Variants in HIBCH observed in about 807,000 individuals in gnomAD.
The protein encoded by HIBCH is 3-hydroxyisobutyryl-CoA hydrolase.
A neutral mutation model predicts 58.2 loss-of-function variants in HIBCH; 50 were observed. That is an observed-to-expected ratio of 0.86 (90% CI 0.68 to 1.09). HIBCH has a LOEUF of 1.09. Among genes scored for constraint, HIBCH ranks in the 50% least tolerant of loss-of-function variants. The pLI, the probability that HIBCH is intolerant of heterozygous loss-of-function variation, is 0.00. For synonymous variants in HIBCH, 151 were observed against 146.9 expected (o/e 1.03, Z -0.20); for missense variants, 450 against 449.7 (o/e 1.00, Z -0.01).
At chr2:190,301,079 T>C (rs570553621) in intron 2 of HIBCH, among the ~76,000 whole-genome samples, 83 of 152,370 alleles carry the variant, frequency 5.4e-4, no homozygotes, top group African/African-American at 2.0e-3. Flanking sequence ...TAACTTAAAA[T>C]GTTAATCTTA....
rs145728444 is a variant in HIBCH at position 190,281,948 on chromosome 2, C to T, written c.438+5638G>A. ...CAATATCTTGTTCCTCATTTTCATC[C>T]GGGTCCTCATCAAAATGGCCATTAC... is the stretch of plus-strand genomic sequence containing the variant. On this transcript the variant is annotated intron_variant, in intron 6 of 13. Transcript: ENST00000359678. The surrounding 1 kb of genome is among the most constrained non-coding windows in gnomAD (Gnocchi z 5.4). Among the ~76,000 whole-genome samples the T allele has an allele frequency of 6.3e-3, 959 of 152,244 alleles. 9 individuals carry two copies. Among genetic ancestry groups the T allele is most frequent in the African/African-American group, 0.022 (903 of 41,542 alleles).
chr2:190,254,710 C>T lies in HIBCH; in HGVS notation c.518-2403G>A, dbSNP rs1281823419. 6.6e-6 allele frequency among the ~76,000 whole-genome samples: 1 copy of T among 152,216 alleles called. No homozygotes were observed. Among genetic ancestry groups the T allele is most frequent in the Non-Finnish European group, 1.5e-5 (1 of 68,048 alleles). The stretch of plus-strand genomic sequence containing the variant: ...AAATACCTTGGAGTTATTCCTGATT[C>T]ATCATACCAGCAAGTCAGTTAAGCC... On this transcript the variant is annotated intron_variant, in intron 7 of 13. Coordinates refer to ENST00000359678, the MANE Select transcript of HIBCH (RefSeq NM_014362.4). The surrounding 1 kb of genome is among the most constrained non-coding windows in gnomAD (Gnocchi z 5.0).
At chr2:190,289,795 T>C (rs1434624970) in intron 5 of HIBCH, among the ~76,000 whole-genome samples, 1 of 152,150 alleles carries the variant, frequency 6.6e-6, no homozygotes, top group African/African-American at 2.4e-5. Flanking sequence ...TAGGAAATGA[T>C]ACTATACTTC....
rs1559042131 is a variant in HIBCH, at chr2:190,265,121, T to TGAAAAAAAA, written c.439-3888_439-3887insTTTTTTTTC. Among the ~76,000 whole-genome samples, 17 of 43,716 alleles carry TGAAAAAAAA rather than the reference T, an allele frequency of 3.9e-4. 1 individual carries two copies. Among genetic ancestry groups the TGAAAAAAAA allele is most frequent in the African/African-American group, 2.6e-3 (17 of 6,586 alleles). 28.7% of individuals were successfully genotyped at this position (43,716 alleles called of 152,430 possible). A position where few individuals can be genotyped will look rare whatever the true frequency, so the allele number is the denominator to read the frequency against. On this transcript the variant is annotated intron_variant, in intron 6 of 13. Coordinates refer to ENST00000359678, the MANE Select transcript of HIBCH (RefSeq NM_014362.4). Reference sequence around the variant, plus strand: ...CTGGAGGACAGAGCAAGACTCCGTCTCAAAAAAAAAAAAAAAAAAAAAAAA... The same window carrying TGAAAAAAAA: ...CTGGAGGACAGAGCAAGACTCCGTCTGAAAAAAAACAAAAAAAAAAAAAAAAAAAAAAAA...
downstream of HIBCH, chr2:190,200,393 T>TA (rs1690194553): frequency 2.6e-5 from 11 of 425,260 alleles, no homozygotes; most frequent in South Asian, 3.1e-4. Flanking sequence ...TGACACCCAA[T>TA]AATCAGCTGA....
rs1195662323 is a variant in HIBCH at position 190,254,366 on chromosome 2, G to C, written c.518-2059C>G. Among the ~76,000 whole-genome samples the C allele has an allele frequency of 1.3e-5, 2 of 152,122 alleles. No individual in the cohort carries two copies. The highest frequency in any genetic ancestry group is 2.9e-5 in the Non-Finnish European group (2 of 68,016). On this transcript the variant is annotated intron_variant, in intron 7 of 13. Transcript: ENST00000359678. The surrounding 1 kb of genome is among the most constrained non-coding windows in gnomAD (Gnocchi z 5.0). ...AAGGCAGCAGTCTATTAGCCACAGAGAGAGGGCTCAAGAGAACCATCTGCT... is the reference window on the plus strand; with the variant it reads ...AAGGCAGCAGTCTATTAGCCACAGACAGAGGGCTCAAGAGAACCATCTGCT...
At position 190,204,040 on chromosome 2, in the gene HIBCH, A is replaced by C. The variant is rs775472235; in HGVS notation, c.*1077T>G. The C allele has an allele frequency of 6.6e-6, 1 of 152,100 alleles. No homozygotes were observed. Among genetic ancestry groups the C allele is most frequent in the Non-Finnish European group, 1.5e-5 (1 of 67,940 alleles). The allele number at this position is 152,100 out of a possible 1,614,324, so 9.4% of individuals were successfully genotyped here. ...AAACAAAAATTACAAACAAAAAACA[A>C]AATCATAAATTTTGTTTACTTTGTT... is the stretch of plus-strand genomic sequence containing the variant. On this transcript the variant is annotated 3_prime_UTR_variant, in exon 14 of 14. Transcript: ENST00000359678.
At position 190,210,660 on chromosome 2, in the gene HIBCH, C is replaced by A. The variant is rs1339190946; in HGVS notation, c.1012-1747G>T. On this transcript the variant is annotated intron_variant, in intron 12 of 13. Coordinates refer to ENST00000359678, the MANE Select transcript of HIBCH (RefSeq NM_014362.4). The surrounding 1 kb of genome is among the most constrained non-coding windows in gnomAD (Gnocchi z 5.5). ...ATGCTCTGCACAGCCTTTCTCTACA[C>A]TGTTTCCTCTGACCTCATCTCTCAC... Among the ~76,000 whole-genome samples, 2 of 152,170 alleles carry A rather than the reference C, an allele frequency of 1.3e-5. No homozygotes were observed. Among genetic ancestry groups the A allele is most frequent in the African/African-American group, 4.8e-5 (2 of 41,448 alleles).
At chr2:190,272,860 G>C (rs972746418) in intron 6 of HIBCH, among the ~76,000 whole-genome samples, 1 of 151,974 alleles carries the variant, frequency 6.6e-6, no homozygotes, top group Non-Finnish European at 1.5e-5. Context: ...GATGGAAATG[G>C]GGTATAGGAA....
At chr2:190,212,199 A>T (rs1395863643) in intron 12 of HIBCH, among the ~76,000 whole-genome samples, 1 of 152,200 alleles carries the variant, frequency 6.6e-6, no homozygotes, top group African/African-American at 2.4e-5. Context: ...TGCCATTTAC[A>T]TCCCTCAAGG....
Position 190,205,194 on chromosome 2 carries a change from C to A in HIBCH, c.1084G>T (p.Ala362Ser), listed in dbSNP as rs375193143. The change falls in exon 14 of 14, where the codon GCT (alanine) becomes TCT (serine). Residue 362 changes from alanine (A) to serine (S), a missense_variant. Coordinates refer to ENST00000359678, the MANE Select transcript of HIBCH (RefSeq NM_014362.4). ...DKDQSPKWKP[A>S]DLKEVTEEDL... ...TCCTCAGTAACTTCTTTTAGATCAG[C>A]TGGTTTCCATTTTGGACTCTGGTCT... 41 of 1,608,920 alleles carry A rather than the reference C, an allele frequency of 2.5e-5. No homozygotes were observed. The highest frequency in any genetic ancestry group is 3.5e-5 in the Non-Finnish European group (41 of 1,175,758).
intron 11 of HIBCH, 62 bp from the exon 12 acceptor site, chr2:190,213,137 G>A: frequency 1.6e-6 from 2 of 1,256,802 alleles, no homozygotes; most frequent in Non-Finnish European, 2.3e-6. Context: ...TATAATAAAT[G>A]GGCAGAGTGT....
chr2:190,319,664 G>A (rs1254818778), intron 1 of HIBCH, 52 bp downstream of exon 1: 16 of 1,486,574 alleles, frequency 1.1e-5, no homozygotes, highest in East Asian at 2.3e-5. Context: ...TTTTCCCACT[G>A]TGGCGAGTGC....
chr2:190,242,043 T>C (rs970014833), intron 11 of HIBCH, among the ~76,000 whole-genome samples: 2 of 152,164 alleles, frequency 1.3e-5, no homozygotes, highest in Non-Finnish European at 2.9e-5. Context: ...TCCTGCACAA[T>C]ATCCTGAAGT....
At chr2:190,189,984 T>C (rs998330544) in exon 2 of HIBCH, 1 of 152,238 alleles carries the variant, frequency 6.6e-6, no homozygotes, top group African/African-American at 2.4e-5. Flanking sequence ...CTCTGGATGC[T>C]GCCCATAGGC....
At chr2:190,192,645 G>C (rs965399568) in intron 1 of HIBCH, among the ~76,000 whole-genome samples, 4 of 152,162 alleles carry the variant, frequency 2.6e-5, no homozygotes, top group Non-Finnish European at 5.9e-5. Flanking sequence ...TTCAGATCAT[G>C]AACAGCATTT....
intron 1 of HIBCH, among the ~76,000 whole-genome samples, chr2:190,194,542 T>C (rs1689882012): frequency 6.6e-6 from 1 of 150,694 alleles, no homozygotes; most frequent in Non-Finnish European, 1.5e-5. Context: ...ACTAGACACA[T>C]CGCAATCACC....
chr2:190,265,122 C>CAAAAAAAAAAAAAAAAA (rs1167140474), intron 6 of HIBCH, among the ~76,000 whole-genome samples: 1 of 56,280 alleles, frequency 1.8e-5, no homozygotes, highest in African/African-American at 7.4e-5. Context: ...GACTCCGTCT[C>CAAAAAAAAAAAAAAAAA]AAAAAAAAAA....
At position 190,249,744 on chromosome 2, in the gene HIBCH, A is replaced by G. The variant is rs768823511; in HGVS notation, c.664-18T>C. On this transcript the variant is annotated intron_variant, in intron 8 of 13. Transcript: ENST00000359678. ...ATGGCCAACTAAAGGGGAGGCAGAA[A>G]AAAAGGAAAGATCTTAGATCCAATA... The G allele has an allele frequency of 4.5e-5, 67 of 1,479,996 alleles. No individual in the cohort carries two copies. Among genetic ancestry groups the G allele is most frequent in the Middle Eastern group, 3.6e-4 (2 of 5,562 alleles). 91.7% of individuals were successfully genotyped at this position (1,479,996 alleles called of 1,614,324 possible).
Sources: gnomAD v4.1 joint callset for allele counts (sites outside exome capture counted in the v4.1 genomes callset) on GRCh38, gnomAD v4.1.1 for gene constraint, Gnocchi (gnomAD v3.1) non-coding constraint, MANE v1.5 for transcripts, NCBI Gene and HGNC (gene_info 2026-07-23, HGNC 2026-07-21) for gene names.